The following PIK3C2A variants were observed in gnomAD, a reference collection of about 807,000 sequenced individuals.
PIK3C2A encodes the protein phosphatidylinositol-4-phosphate 3-kinase catalytic subunit type 2 alpha, also known as phosphatidylinositol 4-phosphate 3-kinase C2 domain-containing subunit alpha.
Under a neutral mutation model 204.5 loss-of-function variants are expected in PIK3C2A, and 97 were observed. The observed-to-expected ratio is 0.47, with a 90% CI of 0.40 to 0.56. The LOEUF is 0.56. Among genes scored for constraint, PIK3C2A ranks in the 20% least tolerant of loss-of-function variants. The probability of loss-of-function intolerance (pLI) is 0.00; values close to 1 mark genes in which losing one functional copy is unlikely to be tolerated. For synonymous variants in PIK3C2A, 653 were observed against 664.4 expected (o/e 0.98, Z 0.26); for missense variants, 1,735 against 1,969.2 (o/e 0.88, Z 2.25).
Position 17,088,610 on chromosome 11 carries a change from T to C in PIK3C2A, c.*1128A>G, listed in dbSNP as rs1848213232. On this transcript the variant is annotated 3_prime_UTR_variant, in exon 33 of 33. Coordinates refer to ENST00000691414, the MANE Select transcript of PIK3C2A (RefSeq NM_002645.4). ...TCCCTTATGATTCTGAATCCAATTATATAAAGGAAAATAACTTTTCATGTG... is the reference window on the plus strand; with the variant it reads ...TCCCTTATGATTCTGAATCCAATTACATAAAGGAAAATAACTTTTCATGTG... 1 of 152,226 alleles carries C rather than the reference T, an allele frequency of 6.6e-6. No homozygotes were observed. The highest frequency in any genetic ancestry group is 1.9e-4 in the East Asian group (1 of 5,200). The allele number at this position is 152,226 out of a possible 1,614,324, so 9.4% of individuals were successfully genotyped here.
intron 1 of PIK3C2A, among the ~76,000 whole-genome samples, chr11:17,195,237 AC>A (rs1190540691): frequency 6.6e-6 from 1 of 151,410 alleles, no homozygotes; most frequent in African/African-American, 2.4e-5. Flanking sequence ...ACTTGGTGAA[AC>A]CCTGTCTCTA....
chr11:17,098,445 G>A (rs1848516115), intron 26 of PIK3C2A, among the ~76,000 whole-genome samples: 2 of 152,310 alleles, frequency 1.3e-5, no homozygotes, highest in Middle Eastern at 3.4e-3. Context: ...TAATGTAATT[G>A]GCTGGCACCT....
At chr11:17,170,312 A>G (rs1851115878) in intron 1 of PIK3C2A, among the ~76,000 whole-genome samples, 1 of 152,276 alleles carries the variant, frequency 6.6e-6, no homozygotes, top group African/African-American at 2.4e-5. Flanking sequence ...CTATTATTTT[A>G]TCAAAATACT....
intron 2 of PIK3C2A, among the ~76,000 whole-genome samples, chr11:17,159,432 T>C (rs1590975696): frequency 6.6e-6 from 1 of 152,344 alleles, no homozygotes; most frequent in Non-Finnish European, 1.5e-5. Flanking sequence ...AGTAAATATG[T>C]TGTGTTTGAA....
At chr11:17,136,738 C>A in intron 8 of PIK3C2A, 113 bp from the exon 9 acceptor site, 1 of 543,660 alleles carries the variant, frequency 1.8e-6, no homozygotes, top group Non-Finnish European at 3.1e-6. Context: ...ATCCTCTACT[C>A]TTTTGTGATG....
rs1283770599 is a variant in PIK3C2A at position 17,089,915 on chromosome 11, T to C, written c.4884A>G (p.Val1628=). Residue 1628 remains valine, a synonymous_variant, in exon 33 of 33, where the codon GTA becomes GTG. Transcript: ENST00000691414. ...GGGTTTCTTTGCTATATCCACTGTA[T>C]ACAAGCTACAACAAAGGAAAAAAGA... ...TRNPTFNEML[V]YSGYSKETLR... The C allele has an allele frequency of 1.3e-6, 2 of 1,571,742 alleles. No homozygotes were observed. The highest frequency in any genetic ancestry group is 4.5e-5 in the East Asian group (2 of 44,090).
At position 17,117,631 on chromosome 11, in the gene PIK3C2A, G is replaced by A. The variant is rs368455172; in HGVS notation, c.3076C>T (p.Arg1026Ter). The change falls in exon 19 of 33, where the codon CGA becomes TGA. Residue 1026 changes from arginine to a stop codon, truncating the protein, a stop_gained. Transcript: ENST00000691414. LOFTEE classifies it high-confidence loss of function. ...DALHDVQFST[R>*]YEHVLGALLS... ...AGAGCACCCAAAACATGTTCGTATC[G>A]GGTACTAAACTGTACATCATGCAGG... The A allele has an allele frequency of 1.2e-6, 2 of 1,612,610 alleles. No individual in the cohort carries two copies. The highest frequency in any genetic ancestry group is 1.1e-5 in the South Asian group (1 of 91,034).
chr11:17,126,792 T>C (rs1849540843), intron 13 of PIK3C2A, among the ~76,000 whole-genome samples: 1 of 152,186 alleles, frequency 6.6e-6, no homozygotes, highest in Non-Finnish European at 1.5e-5. Flanking sequence ...ACTATTTAAA[T>C]GTCTAGCAGA....
intron 32 of PIK3C2A, among the ~76,000 whole-genome samples, chr11:17,090,393 G>A (rs1274207743): frequency 6.6e-6 from 1 of 152,146 alleles, no homozygotes; most frequent in Admixed American, 6.5e-5. Context: ...CTTGAACTCA[G>A]GAGGCGGAGG....
intron 1 of PIK3C2A, among the ~76,000 whole-genome samples, chr11:17,177,099 C>G (rs1236357770): frequency 6.6e-6 from 1 of 152,116 alleles, no homozygotes; most frequent in African/African-American, 2.4e-5. Context: ...TACTAATTCT[C>G]CACAATGCAC....
chr11:17,137,607 C>T (rs1264470090), intron 8 of PIK3C2A, among the ~76,000 whole-genome samples: 2 of 151,872 alleles, frequency 1.3e-5, no homozygotes, highest in Admixed American at 1.3e-4. Flanking sequence ...TGGGGTTTCA[C>T]CATGTTGGTC....
In PIK3C2A at chr11:17,119,434, A is replaced by G. The variant is rs947895864; in HGVS notation, c.2847-121T>C. ...AACACTAAGATATCTCTTTTATTCA[A>G]AAGCAATGTATTTCTTCTTTTTGTA... On this transcript the variant is annotated intron_variant, in intron 16 of 32. Transcript: ENST00000691414. 6 of 675,450 alleles carry G rather than the reference A, an allele frequency of 8.9e-6. No individual in the cohort carries two copies. In the African/African-American group the frequency reaches 1.1e-4, roughly 12 times the overall value. 41.8% of individuals were successfully genotyped at this position (675,450 alleles called of 1,614,324 possible).
chr11:17,176,872 A>T (rs566625611), intron 1 of PIK3C2A, among the ~76,000 whole-genome samples: 1 of 152,348 alleles, frequency 6.6e-6, no homozygotes, highest in African/African-American at 2.4e-5. Flanking sequence ...TGCAGCAAAT[A>T]TCTGCATATC....
At chr11:17,154,244 C>T (rs1160397934) in intron 3 of PIK3C2A, among the ~76,000 whole-genome samples, 3 of 152,064 alleles carry the variant, frequency 2.0e-5, no homozygotes, top group African/African-American at 4.8e-5. Context: ...CATGGCCTAA[C>T]AGGAAAATAC....
intron 28 of PIK3C2A, among the ~76,000 whole-genome samples, chr11:17,092,486 A>T (rs113418211): frequency 1.3e-5 from 2 of 152,212 alleles, no homozygotes; most frequent in African/African-American, 4.8e-5. Context: ...GGCCAACATG[A>T]TAAAACCCTG....
At chr11:17,123,740 T>C (rs1286821779) in intron 13 of PIK3C2A, among the ~76,000 whole-genome samples, 1 of 144,518 alleles carries the variant, frequency 6.9e-6, no homozygotes, top group African/African-American at 2.6e-5. Flanking sequence ...TGCTATGCTC[T>C]AACAAACTGT....
At chr11:17,101,837 T>A (rs1206019590) in intron 24 of PIK3C2A, among the ~76,000 whole-genome samples, 5 of 151,938 alleles carry the variant, frequency 3.3e-5, no homozygotes, top group African/African-American at 2.4e-5. Context: ...TCTCCTGACC[T>A]TGTGATCCGC....
At chr11:17,107,430 A>C (rs1848861564) in intron 22 of PIK3C2A, among the ~76,000 whole-genome samples, 1 of 152,246 alleles carries the variant, frequency 6.6e-6, no homozygotes, top group African/African-American at 2.4e-5. Context: ...AATAATGTTA[A>C]AGACAAAATC....
intron 13 of PIK3C2A, among the ~76,000 whole-genome samples, chr11:17,127,045 G>C (rs1849550018): frequency 6.6e-6 from 1 of 152,070 alleles, no homozygotes; most frequent in Non-Finnish European, 1.5e-5. Context: ...ATTTATCAAA[G>C]ACAGTGGTGA....
Sources: gnomAD v4.1 joint callset for allele counts (sites outside exome capture counted in the v4.1 genomes callset) on GRCh38, gnomAD v4.1.1 for gene constraint, MANE v1.5 for transcripts, NCBI Gene and HGNC (gene_info 2026-07-23, HGNC 2026-07-21) for gene names.